Variants in GPC6 observed in about 807,000 individuals in gnomAD.
GPC6 encodes glypican-6.
In GPC6, 14 loss-of-function variants were observed where a neutral mutation model predicts 55.2. That is an observed-to-expected ratio of 0.25 (90% CI 0.17 to 0.40). GPC6 has a LOEUF of 0.40. Ranked by LOEUF, GPC6 falls within the 10% of genes least tolerant of loss-of-function variation. The probability of loss-of-function intolerance (pLI) is 1.00; values close to 1 mark genes in which losing one functional copy is unlikely to be tolerated. For synonymous variants in GPC6, 278 were observed against 259.6 expected, an observed-to-expected ratio of 1.07 and a Z score of -0.68; for missense variants, 641 against 708.5, an observed-to-expected ratio of 0.90 and a Z score of 1.08.
chr13:93,919,774 GT>G (rs1877478340), intron 3 of GPC6, among the ~76,000 whole-genome samples: 1 of 152,110 alleles, frequency 6.6e-6, no homozygotes, highest in South Asian at 2.1e-4. Flanking sequence ...TCTCATTTCT[GT>G]TTTTCATGTT....
chr13:93,874,853 C>T (rs1411400339), intron 3 of GPC6, among the ~76,000 whole-genome samples: 1 of 151,862 alleles, frequency 6.6e-6, no homozygotes, highest in African/African-American at 2.4e-5. Flanking sequence ...ATCTCCTCTA[C>T]CATTTTATTT....
intron 1 of GPC6, among the ~76,000 whole-genome samples, chr13:93,473,980 A>C (rs1252214736): frequency 6.6e-6 from 1 of 152,142 alleles, no homozygotes; most frequent in African/African-American, 2.4e-5. Flanking sequence ...CTGCTTCTTC[A>C]GTTCCCCCTG....
At chr13:93,394,571 T>G (rs1300268340) in intron 1 of GPC6, among the ~76,000 whole-genome samples, 37 of 152,192 alleles carry the variant, frequency 2.4e-4, no homozygotes, top group Admixed American at 2.4e-3. Flanking sequence ...ACTTAAAAGT[T>G]AATGAAACAT....
intron 2 of GPC6, among the ~76,000 whole-genome samples, chr13:93,612,024 A>G (rs1432299521): frequency 3.3e-5 from 5 of 152,188 alleles, no homozygotes; most frequent in African/African-American, 1.2e-4. Context: ...TAACATAAGT[A>G]ATATCCAAAA....
intron 2 of GPC6, among the ~76,000 whole-genome samples, chr13:93,630,415 A>C (rs1455205295): frequency 6.6e-6 from 1 of 152,128 alleles, no homozygotes; most frequent in African/African-American, 2.4e-5. Context: ...TTTCAGACAT[A>C]TCTTAATTCC....
At chr13:94,033,211 G>A (rs1002390388) in intron 4 of GPC6, among the ~76,000 whole-genome samples, 5 of 152,172 alleles carry the variant, frequency 3.3e-5, no homozygotes, top group Non-Finnish European at 7.4e-5. Flanking sequence ...TATCCCTGTT[G>A]TTAATGGACT....
intron 4 of GPC6, among the ~76,000 whole-genome samples, chr13:94,224,256 AAT>A (rs59631105): frequency 0.18 from 26,401 of 143,582 alleles, 2,730 homozygotes; most frequent in South Asian, 0.29. Context: ...ATCATCTTTA[AAT>A]ATATATATAT....
intron 1 of GPC6, among the ~76,000 whole-genome samples, chr13:93,488,229 T>C (rs1354318344): frequency 6.6e-6 from 1 of 152,148 alleles, no homozygotes; most frequent in Non-Finnish European, 1.5e-5. Flanking sequence ...GTTTGGTTTT[T>C]TGTCCTTGCG....
chr13:93,847,550 A>T (rs1888228367), intron 3 of GPC6, among the ~76,000 whole-genome samples: 1 of 152,112 alleles, frequency 6.6e-6, no homozygotes, highest in African/African-American at 2.4e-5. Context: ...ACATTTTAGA[A>T]TATAACTTTT....
chr13:94,156,525 C>G (rs1294937343), intron 4 of GPC6, among the ~76,000 whole-genome samples: 1 of 152,104 alleles, frequency 6.6e-6, no homozygotes, highest in African/African-American at 2.4e-5. Flanking sequence ...TCTACCCAAC[C>G]ACACCCACAC....
At chr13:94,206,633 C>A (rs1278493584) in intron 4 of GPC6, among the ~76,000 whole-genome samples, 3 of 152,032 alleles carry the variant, frequency 2.0e-5, no homozygotes, top group African/African-American at 7.2e-5. Context: ...GCGAGCAGAT[C>A]GCTTGAGTCC....
chr13:93,238,692 C>T (rs973214815), intron 1 of GPC6, among the ~76,000 whole-genome samples: 3 of 139,506 alleles, frequency 2.2e-5, no homozygotes, highest in Non-Finnish European at 4.7e-5. Context: ...ATGCTTTCAA[C>T]TTTTCCCCTT....
chr13:93,793,442 G>A (rs1218060999), intron 2 of GPC6, among the ~76,000 whole-genome samples: 2 of 151,834 alleles, frequency 1.3e-5, no homozygotes, highest in African/African-American at 4.8e-5. Context: ...AAATTTTAAA[G>A]CCCCTTGCCT....
At chr13:93,589,849 G>A (rs1370851666) in intron 2 of GPC6, among the ~76,000 whole-genome samples, 1 of 152,188 alleles carries the variant, frequency 6.6e-6, no homozygotes, top group Non-Finnish European at 1.5e-5. Context: ...ATGACATCAT[G>A]TGGAGTAAGT....
intron 1 of GPC6, among the ~76,000 whole-genome samples, chr13:93,269,855 G>C (rs1312559228): frequency 7.5e-6 from 1 of 133,042 alleles, no homozygotes; most frequent in East Asian, 2.2e-4. Context: ...TTGCGTCACT[G>C]CACTCCAGCC....
intron 3 of GPC6, among the ~76,000 whole-genome samples, chr13:93,846,772 C>T (rs908686547): frequency 1.3e-5 from 2 of 152,098 alleles, no homozygotes; most frequent in African/African-American, 4.8e-5. Context: ...TGAGATTGCG[C>T]CATTGCACTC....
intron 3 of GPC6, among the ~76,000 whole-genome samples, chr13:93,897,094 C>T (rs1876060469): frequency 6.7e-6 from 1 of 149,610 alleles, no homozygotes; most frequent in African/African-American, 2.5e-5. Flanking sequence ...TTAAAAAAAG[C>T]ATACATAGGA....
At chr13:94,089,114 AT>A (rs984285290) in intron 4 of GPC6, among the ~76,000 whole-genome samples, 5 of 152,178 alleles carry the variant, frequency 3.3e-5, no homozygotes, top group African/African-American at 7.2e-5. Context: ...AATTCAATTG[AT>A]TTAGAGCATG....
upstream of GPC6, among the ~76,000 whole-genome samples, chr13:93,223,018 A>ATTTTTTT (rs1875661668): frequency 2.1e-5 from 1 of 48,284 alleles, no homozygotes; most frequent in Non-Finnish European, 4.5e-5. Context: ...CAGGGAAAAC[A>ATTTTTTT]CTTTTTTTTT....
Sources: allele counts gnomAD v4.1 joint callset (sites outside exome capture counted in the v4.1 genomes callset), GRCh38; gene constraint gnomAD v4.1.1; transcripts MANE v1.5; gene names NCBI Gene and HGNC (gene_info 2026-07-23, HGNC 2026-07-21).